UBR3: variants seen among roughly 807,000 people sequenced by gnomAD.
UBR3 encodes the protein E3 ubiquitin-protein ligase UBR3.
Under a neutral mutation model 243.2 loss-of-function variants are expected in UBR3, and 85 were observed. The observed-to-expected ratio is 0.35, with a 90% confidence interval of 0.29 to 0.42. The LOEUF is 0.42. Ranked by LOEUF, UBR3 falls within the 10% of genes least tolerant of loss-of-function variation. The probability of loss-of-function intolerance (pLI) is 1.00; values close to 1 mark genes in which losing one functional copy is unlikely to be tolerated. For synonymous variants in UBR3, 748 were observed against 799.8 expected (o/e 0.94, Z 1.09); for missense variants, 1,686 against 2,300.8 (o/e 0.73, Z 5.47).
At chr2:169,897,449 G>GTGTATATA (rs905272629) in intron 8 of UBR3, among the ~76,000 whole-genome samples, 1 of 151,558 alleles carries the variant, frequency 6.6e-6, no homozygotes, top group Non-Finnish European at 1.5e-5. Flanking sequence ...ATGTATATGT[G>GTGTATATA]TGTATATATG....
At chr2:169,943,200 AT>A (rs754853029) in intron 20 of UBR3, among the ~76,000 whole-genome samples, 1 of 152,208 alleles carries the variant, frequency 6.6e-6, no homozygotes, top group Non-Finnish European at 1.5e-5. Context: ...CGTAAGACAG[AT>A]TTATTTGACT....
chr2:169,973,478 A>G (rs2105377989), intron 24 of UBR3, among the ~76,000 whole-genome samples: 1 of 152,072 alleles, frequency 6.6e-6, no homozygotes, highest in African/African-American at 2.4e-5. Flanking sequence ...AGCCAAAAGA[A>G]CAAAGCTGGA....
chr2:169,885,388 C>A (rs749691073), intron 5 of UBR3, among the ~76,000 whole-genome samples: 1 of 151,994 alleles, frequency 6.6e-6, no homozygotes, highest in African/African-American at 2.4e-5. Flanking sequence ...GCGAGACTAA[C>A]CTGACCAACA....
At chr2:170,008,467 A>T (rs912084580) in intron 28 of UBR3, among the ~76,000 whole-genome samples, 1 of 152,162 alleles carries the variant, frequency 6.6e-6, no homozygotes, top group Non-Finnish European at 1.5e-5. Context: ...ATGAACTTAA[A>T]TGAAAGTCAG....
At chr2:169,989,275 C>T (rs1296807742) in intron 25 of UBR3, among the ~76,000 whole-genome samples, 2 of 151,740 alleles carry the variant, frequency 1.3e-5, no homozygotes, top group Non-Finnish European at 2.9e-5. Context: ...TAAAATTTTC[C>T]CATTGTCTCT....
chr2:169,842,471 T>G (rs1258698681), intron 1 of UBR3, among the ~76,000 whole-genome samples: 1 of 145,828 alleles, frequency 6.9e-6, no homozygotes, highest in East Asian at 1.9e-4. Context: ...CCTTCCACAC[T>G]GTGGAAGCTT....
At chr2:170,010,698 C>A (rs186120492) in intron 29 of UBR3, among the ~76,000 whole-genome samples, 1 of 152,204 alleles carries the variant, frequency 6.6e-6, no homozygotes, top group African/African-American at 2.4e-5. Context: ...AAATATACTT[C>A]CCCCATCCTT....
At chr2:169,970,978 C>T (rs2088110783) in intron 24 of UBR3, among the ~76,000 whole-genome samples, 1 of 140,594 alleles carries the variant, frequency 7.1e-6, no homozygotes, top group Non-Finnish European at 1.6e-5. Flanking sequence ...ACATCCTCTC[C>T]AGCACCTGTT....
At chr2:169,870,617 T>A (rs2083403401) in intron 1 of UBR3, among the ~76,000 whole-genome samples, 1 of 152,184 alleles carries the variant, frequency 6.6e-6, no homozygotes, top group African/African-American at 2.4e-5. Flanking sequence ...GATGTAAATC[T>A]AATGGCATTA....
chr2:169,836,041 C>CTATATA (rs1253416580), intron 1 of UBR3, among the ~76,000 whole-genome samples: 2 of 8,418 alleles, frequency 2.4e-4, no homozygotes, highest in Non-Finnish European at 4.0e-4. Flanking sequence ...CTCTCTCTCT[C>CTATATA]TCTATATATA....
At chr2:169,874,676 TAA>T (rs1250026845) in intron 2 of UBR3, among the ~76,000 whole-genome samples, 1 of 152,130 alleles carries the variant, frequency 6.6e-6, no homozygotes, top group Non-Finnish European at 1.5e-5. Context: ...AAACATTAAT[TAA>T]ACATCTACTA....
chr2:170,065,515 A>T (rs1257611409), intron 35 of UBR3, among the ~76,000 whole-genome samples: 1 of 152,086 alleles, frequency 6.6e-6, no homozygotes. Context: ...CTGGTCTCGA[A>T]TTCCTGGCCT....
intron 5 of UBR3, among the ~76,000 whole-genome samples, chr2:169,881,803 G>T: frequency 1.5e-5 from 2 of 132,518 alleles, no homozygotes; most frequent in South Asian, 2.2e-4. Context: ...TTATATTTAT[G>T]TTATAATATA....
At chr2:169,896,083 G>A (rs2084576124) in intron 7 of UBR3, among the ~76,000 whole-genome samples, 1 of 152,150 alleles carries the variant, frequency 6.6e-6, no homozygotes, top group African/African-American at 2.4e-5. Context: ...GATCACCAGA[G>A]GTCGGGAGTT....
At chr2:169,933,937 G>A (rs1473069733) in intron 19 of UBR3, among the ~76,000 whole-genome samples, 2 of 152,048 alleles carry the variant, frequency 1.3e-5, no homozygotes, top group African/African-American at 2.4e-5. Flanking sequence ...CTCTCTCTCC[G>A]TTTCTCTAAA....
intron 31 of UBR3, among the ~76,000 whole-genome samples, chr2:170,033,620 T>TC (rs1280594570): frequency 2.3e-5 from 3 of 132,504 alleles, no homozygotes; most frequent in Non-Finnish European, 1.6e-5. Flanking sequence ...TTTTTATGGT[T>TC]CGTTTATTCA....
chr2:169,986,438 T>G (rs2089006525), intron 24 of UBR3, among the ~76,000 whole-genome samples: 1 of 152,240 alleles, frequency 6.6e-6, no homozygotes, highest in African/African-American at 2.4e-5. Flanking sequence ...ATATTTTAGT[T>G]TAAATCTTTC....
chr2:169,969,944 T>C (rs955039385), intron 24 of UBR3, among the ~76,000 whole-genome samples: 4 of 150,744 alleles, frequency 2.7e-5, no homozygotes, highest in Non-Finnish European at 4.4e-5. Flanking sequence ...CAGCTTTTTT[T>C]TTTTTTTTTT....
At chr2:170,064,518 CTG>C (rs1390953487) in intron 35 of UBR3, among the ~76,000 whole-genome samples, 3 of 151,762 alleles carry the variant, frequency 2.0e-5, no homozygotes, top group Admixed American at 2.0e-4. Context: ...TTAATTCAGT[CTG>C]GAGTTTATTT....
Sources: allele counts gnomAD v4.1 joint callset (sites outside exome capture counted in the v4.1 genomes callset), GRCh38; gene constraint gnomAD v4.1.1; transcripts MANE v1.5; gene names NCBI Gene and HGNC (gene_info 2026-07-23, HGNC 2026-07-21).